Variants in CD34 observed in about 807,000 individuals in gnomAD.
CD34 encodes hematopoietic progenitor cell antigen CD34.
A neutral mutation model predicts 40.1 loss-of-function variants in CD34; 34 were observed. The observed-to-expected ratio is 0.85, with a 90% CI of 0.65 to 1.13. The LOEUF is 1.13. Among genes scored for constraint, CD34 ranks in the 50% most tolerant of loss-of-function variants. CD34 has a pLI of 0.00. For missense variants in CD34, 426 were observed against 466.9 expected, an observed-to-expected ratio of 0.91 and a Z score of 0.81; for synonymous variants, 209 against 190.0, an observed-to-expected ratio of 1.10 and a Z score of -0.82.
chr1:207,902,404 G>A (rs1162350189), intron 1 of CD34, among the ~76,000 whole-genome samples: 2 of 152,212 alleles, frequency 1.3e-5, no homozygotes, highest in Non-Finnish European at 2.9e-5. Context: ...TAAACAGGAG[G>A]TGGGTTGATC....
Position 207,888,783 on chromosome 1 carries a change from G to C in CD34, c.871C>G (p.Leu291Val), listed in dbSNP as rs1258958092. The change falls in exon 7 of 8, where the codon CTG becomes GTG. Residue 291 changes from leucine (L) to valine (V), a missense_variant. Leu to Val is a conservative substitution (Grantham distance 32, BLOSUM62 1). Coordinates refer to ENST00000310833, the MANE Select transcript of CD34 (RefSeq NM_001025109.2). ...GCTCCCGAGGTGACCAGTGCAATCA[G>C]GGTCTTTTGGGAATAGCTCTGGTGG... Reference protein sequence around the residue: ...ASHQSYSQKTLIALVTSGALL... With the variant: ...ASHQSYSQKTVIALVTSGALL... The C allele has an allele frequency of 1.2e-6, 2 of 1,614,148 alleles. No individual in the cohort carries two copies. The highest frequency in any genetic ancestry group is 1.7e-6 in the Non-Finnish European group (2 of 1,179,994).
At chr1:207,908,002 AG>A (rs1240658482) in intron 1 of CD34, among the ~76,000 whole-genome samples, 1 of 152,212 alleles carries the variant, frequency 6.6e-6, no homozygotes, top group Non-Finnish European at 1.5e-5. Context: ...CTGAGAGTGG[AG>A]TTGGGTAACC....
chr1:207,882,544 T>C lies in CD34; in HGVS notation c.*5194A>G, dbSNP rs1287785446. The C allele has an allele frequency of 1.3e-5, 2 of 152,172 alleles. No individual in the cohort carries two copies. The highest frequency in any genetic ancestry group is 6.5e-5 in the Admixed American group (1 of 15,278). 9.4% of individuals were successfully genotyped at this position (152,172 alleles called of 1,614,324 possible). On this transcript the variant is annotated 3_prime_UTR_variant, in exon 8 of 8. Coordinates refer to ENST00000310833, the MANE Select transcript of CD34 (RefSeq NM_001025109.2). The stretch of plus-strand genomic sequence containing the variant: ...TGAGATGATAAAGATGTTGAAACCA[T>C]CTGACAAGAATTTTAAAACAGACAG...
chr1:207,886,620 C>T lies in CD34; in HGVS notation c.*1118G>A, dbSNP rs2102293096. 6.5e-6 allele frequency: 1 copy of T among 152,800 alleles called. No individual in the cohort carries two copies. 9.5% of individuals were successfully genotyped at this position (152,800 alleles called of 1,614,324 possible). ...AAATATCTACCCAATACTCTCTTCTCTGGAAATTTCTATTTCCAACCGTCA... is the reference window on the plus strand; with the variant it reads ...AAATATCTACCCAATACTCTCTTCTTTGGAAATTTCTATTTCCAACCGTCA... On this transcript the variant is annotated 3_prime_UTR_variant, in exon 8 of 8. Transcript: ENST00000310833.
intron 1 of CD34, among the ~76,000 whole-genome samples, chr1:207,909,661 C>A (rs1487354547): frequency 6.6e-6 from 1 of 152,316 alleles, no homozygotes; most frequent in East Asian, 1.9e-4. Flanking sequence ...CCTGCCTCGG[C>A]CTCCCAAAGT....
chr1:207,899,258 G>A, intron 2 of CD34, 32 bp from the exon 3 acceptor site: 1 of 1,609,030 alleles, frequency 6.2e-7, no homozygotes, highest in Non-Finnish European at 8.5e-7. Flanking sequence ...GTGTGCATGT[G>A]TGCATGTGCT....
At chr1:207,894,817 A>G (rs1222272961) in intron 4 of CD34, among the ~76,000 whole-genome samples, 2 of 152,082 alleles carry the variant, frequency 1.3e-5, no homozygotes, top group Non-Finnish European at 2.9e-5. Context: ...TGGGGAGCAA[A>G]AAAAAAAGAG....
At position 207,898,978 on chromosome 1, in the gene CD34, T is replaced by C. The variant is rs1662210322; in HGVS notation, c.511A>G (p.Ile171Val). Residue 171 changes from isoleucine (I) to valine (V), a missense_variant, in exon 3 of 8, where the codon ATC (isoleucine) becomes GTC (valine). Coordinates refer to ENST00000310833, the MANE Select transcript of CD34 (RefSeq NM_001025109.2). ...YTSSSPILSD[I>V]KAEIKCSGIR... The stretch of plus-strand genomic sequence containing the variant: ...TTTTGGCCCAATTCACCCACCTTGA[T>C]GTCACTTAGGATAGGAGAAGATGAT... 6.2e-7 allele frequency: 1 copy of C among 1,614,016 alleles called. No individual in the cohort carries two copies. The highest frequency in any genetic ancestry group is 8.5e-7 in the Non-Finnish European group (1 of 1,179,946).
chr1:207,907,186 T>C (rs2102307211), intron 1 of CD34, among the ~76,000 whole-genome samples: 1 of 152,216 alleles, frequency 6.6e-6, no homozygotes, highest in African/African-American at 2.4e-5. Flanking sequence ...GGGGAGACAA[T>C]GGCATAACCC....
Position 207,911,077 on chromosome 1 carries a change from G to T in CD34, c.4C>A (p.Leu2Met). Reference protein sequence around the residue: MLVRRGARAGPR... With the variant: MMVRRGARAGPR... ...CCTGCGCGCGCGCCCCTGCGGACCA[G>T]CATCCTTCCCGCGCGGCTCCTAGAG... Residue 2 changes from leucine (L) to methionine (M), a missense_variant, in exon 1 of 8, where the codon CTG becomes ATG. Leu to Met is a conservative substitution (Grantham distance 15). Coordinates refer to ENST00000310833, the MANE Select transcript of CD34 (RefSeq NM_001025109.2). 2 of 1,579,778 alleles carry T rather than the reference G, an allele frequency of 1.3e-6. No homozygotes were observed. The highest frequency in any genetic ancestry group is 1.1e-5 in the South Asian group (1 of 87,162).
intron 1 of CD34, among the ~76,000 whole-genome samples, chr1:207,903,078 G>A (rs901204410): frequency 3.9e-5 from 6 of 152,210 alleles, no homozygotes; most frequent in Non-Finnish European, 5.9e-5. Flanking sequence ...GCCTGAGCTG[G>A]TGCAGAGCAA....
Position 207,881,286 on chromosome 1 carries a change from C to A in CD34, c.*6452G>T, listed in dbSNP as rs1002571412. 1.3e-5 allele frequency: 2 copies of A among 152,176 alleles called. No individual in the cohort carries two copies. Among genetic ancestry groups the A allele is most frequent in the African/African-American group, 4.8e-5 (2 of 41,432 alleles). 9.4% of individuals were successfully genotyped at this position (152,176 alleles called of 1,614,324 possible). ...TCTATTTTCCTTTTTCACATTCATT[C>A]TTTCACAAGTATACAGTGGAGTGTT... On this transcript the variant is annotated 3_prime_UTR_variant, in exon 8 of 8. Coordinates refer to ENST00000310833, the MANE Select transcript of CD34 (RefSeq NM_001025109.2).
At chr1:207,906,652 C>T (rs938184468) in intron 1 of CD34, among the ~76,000 whole-genome samples, 2 of 152,058 alleles carry the variant, frequency 1.3e-5, no homozygotes, top group African/African-American at 4.8e-5. Flanking sequence ...CGAGACCAGC[C>T]TGACCAATAT....
At position 207,887,761 on chromosome 1, in the gene CD34, C is replaced by T. The variant is rs113941793; in HGVS notation, c.1135G>A (p.Val379Met). The change falls in exon 8 of 8, where the codon GTG becomes ATG. Residue 379 changes from valine (V) to methionine (M), a missense_variant. Val to Met is a conservative substitution (Grantham distance 21). Coordinates refer to ENST00000310833, the MANE Select transcript of CD34 (RefSeq NM_001025109.2). ...AGTCACAATTCGGTATCAGCCACCA[C>T]GTGTTGTCTTGCTGAATGGCCGTTT... is the stretch of plus-strand genomic sequence containing the variant. ...SRNGHSARQHVVADTEL is the reference protein window; with the variant it reads ...SRNGHSARQHMVADTEL The T allele has an allele frequency of 1.1e-4, 185 of 1,614,158 alleles. No homozygotes were observed. In the African/African-American group the frequency reaches 1.8e-3, roughly 16 times the overall value.
chr1:207,901,597 T>G (rs1662272621), intron 1 of CD34, among the ~76,000 whole-genome samples: 1 of 152,264 alleles, frequency 6.6e-6, no homozygotes, highest in Non-Finnish European at 1.5e-5. Flanking sequence ...CCTGCTAAGC[T>G]GCACTGTGGC....
At chr1:207,905,275 A>G (rs1471866147) in intron 1 of CD34, among the ~76,000 whole-genome samples, 1 of 152,212 alleles carries the variant, frequency 6.6e-6, no homozygotes, top group African/African-American at 2.4e-5. Context: ...AGCTGAGACT[A>G]CAGGCATGTG....
At chr1:207,899,247 G>T in intron 2 of CD34, 21 bp from the exon 3 acceptor site, 4 of 1,612,384 alleles carry the variant, frequency 2.5e-6, no homozygotes. Context: ...CCAAAACATG[G>T]GTGTGCATGT....
At position 207,911,063 on chromosome 1, in the gene CD34, G is replaced by A. The variant is rs1409897819; in HGVS notation, c.18C>T (p.Gly6=). The A allele has an allele frequency of 1.3e-6, 2 of 1,588,016 alleles. No homozygotes were observed. The highest frequency in any genetic ancestry group is 1.7e-6 in the Non-Finnish European group (2 of 1,170,756). Residue 6 remains glycine, a synonymous_variant, in exon 1 of 8, where the codon GGC becomes GGT. Coordinates refer to ENST00000310833, the MANE Select transcript of CD34 (RefSeq NM_001025109.2). The part of the protein sequence containing the change: MLVRR[G]ARAGPRMPRG... ...GCGGCATCCTGGGCCCTGCGCGCGC[G>A]CCCCTGCGGACCAGCATCCTTCCCG...
intron 4 of CD34, among the ~76,000 whole-genome samples, chr1:207,891,711 G>A (rs1488744046): frequency 6.6e-6 from 1 of 151,314 alleles, no homozygotes; most frequent in African/African-American, 2.4e-5. Flanking sequence ...TCCAGGCACA[G>A]TTCTGAGTGC....
Sources: allele counts gnomAD v4.1 joint callset (sites outside exome capture counted in the v4.1 genomes callset), GRCh38; gene constraint gnomAD v4.1.1; transcripts MANE v1.5; gene names NCBI Gene and HGNC (gene_info 2026-07-23, HGNC 2026-07-21).